The following LRRN1 variants were observed in gnomAD, a reference collection of about 807,000 sequenced individuals.
LRRN1 encodes leucine-rich repeat neuronal protein 1.
A neutral mutation model predicts 45.8 loss-of-function variants in LRRN1; 14 were observed. The ratio of observed to expected loss-of-function variants is 0.31; its 90% CI spans 0.20 to 0.48. The LOEUF (loss-of-function observed/expected upper bound fraction) is 0.48, where lower values mean the gene tolerates loss of function less well. Among genes scored for constraint, LRRN1 ranks in the 20% least tolerant of loss-of-function variants. The pLI is 0.99. For missense variants in LRRN1, 789 were observed against 874.2 expected (o/e 0.90, Z 1.23); for synonymous variants, 359 against 330.1 (o/e 1.09, Z -0.95).
In LRRN1 at chr3:3,844,924, T is replaced by C. The variant is rs138100289; in HGVS notation, c.283T>C (p.Phe95Leu). Residue 95 changes from phenylalanine (F) to leucine (L), a missense_variant, in exon 2 of 2, where the codon TTC becomes CTC. Coordinates refer to ENST00000319331, the MANE Select transcript of LRRN1 (RefSeq NM_020873.7). Reference sequence around the variant, plus strand: ...GACTGTGGATGAGCTGCAGCAGCTTTTCAACTTGACTGAACTAGATTTCTC... The same window carrying C: ...GACTGTGGATGAGCTGCAGCAGCTTCTCAACTTGACTGAACTAGATTTCTC... ...AKTVDELQQL[F>L]NLTELDFSQN... 4.3e-6 allele frequency: 7 copies of C among 1,614,024 alleles called. No homozygotes were observed. The highest frequency in any genetic ancestry group is 5.9e-6 in the Non-Finnish European group (7 of 1,180,020).
chr3:3,810,562 C>T (rs1692851414), intron 1 of LRRN1, among the ~76,000 whole-genome samples: 1 of 152,168 alleles, frequency 6.6e-6, no homozygotes, highest in Non-Finnish European at 1.5e-5. Flanking sequence ...ACCAGGTATG[C>T]TGGGCATGGT....
chr3:3,814,137 C>T (rs932610491), intron 1 of LRRN1, among the ~76,000 whole-genome samples: 5 of 149,724 alleles, frequency 3.3e-5, no homozygotes, highest in Non-Finnish European at 7.4e-5. Context: ...TAGCCCTCAT[C>T]GCCTCTCCTT....
At position 3,844,502 on chromosome 3, in the gene LRRN1, T is replaced by G. The variant is rs914305756; in HGVS notation, c.-140T>G. ...ACTCCTGAAAACCATCCCTTTGGACTCTGGAATTCTACACAGCTCAACCAA... is the reference window on the plus strand; with the variant it reads ...ACTCCTGAAAACCATCCCTTTGGACGCTGGAATTCTACACAGCTCAACCAA... On this transcript the variant is annotated 5_prime_UTR_variant, in exon 2 of 2. Transcript: ENST00000319331. 7 of 687,722 alleles carry G rather than the reference T, an allele frequency of 1.0e-5. No individual in the cohort carries two copies. In the Admixed American group the frequency reaches 2.1e-4, roughly 21 times the overall value. The allele number at this position is 687,722 out of a possible 1,614,324, so 42.6% of individuals were successfully genotyped here.
At chr3:3,821,508 A>T (rs1024776597) in intron 1 of LRRN1, among the ~76,000 whole-genome samples, 1 of 151,944 alleles carries the variant, frequency 6.6e-6, no homozygotes, top group Non-Finnish European at 1.5e-5. Flanking sequence ...TCCCCTTAAG[A>T]TTAGAAGCTG....
chr3:3,802,642 T>G (rs1005218557), intron 1 of LRRN1, among the ~76,000 whole-genome samples: 1 of 152,218 alleles, frequency 6.6e-6, no homozygotes, highest in Non-Finnish European at 1.5e-5. Context: ...TTGAATCAAA[T>G]TTAAGTAAGA....
intron 1 of LRRN1, among the ~76,000 whole-genome samples, chr3:3,825,846 T>C (rs985958932): frequency 4.6e-5 from 7 of 152,232 alleles, no homozygotes; most frequent in Admixed American, 4.6e-4. Context: ...TTATAGATTT[T>C]CACGTATGGA....
rs767803231 is a variant in LRRN1 at position 3,845,524 on chromosome 3, A to C, written c.883A>C (p.Asn295His). 9 of 1,614,138 alleles carry C rather than the reference A, an allele frequency of 5.6e-6. No homozygotes were observed. Among genetic ancestry groups the C allele is most frequent in the Non-Finnish European group, 7.6e-6 (9 of 1,180,028 alleles). The change falls in exon 2 of 2, where the codon AAC becomes CAC. Residue 295 changes from asparagine (N) to histidine (H), a missense_variant. Coordinates refer to ENST00000319331, the MANE Select transcript of LRRN1 (RefSeq NM_020873.7). The surrounding 1 kb of genome is among the most constrained non-coding windows in gnomAD (Gnocchi z 6.5). ...GCTTCGGTTAAAAGAACTGGGAATC[A>C]ACAATATGGGCGAGCTCGTTTCTGT... ...NMLRLKELGI[N>H]NMGELVSVDR...
At chr3:3,826,923 T>A (rs1417704189) in intron 1 of LRRN1, among the ~76,000 whole-genome samples, 1 of 152,152 alleles carries the variant, frequency 6.6e-6, no homozygotes, top group African/African-American at 2.4e-5. Context: ...GACCCCCCTG[T>A]ACTGGCTAGC....
chr3:3,838,002 T>G (rs1693562062), intron 1 of LRRN1, among the ~76,000 whole-genome samples: 1 of 152,176 alleles, frequency 6.6e-6, no homozygotes, highest in South Asian at 2.1e-4. Context: ...TTTCTGTTCC[T>G]GCGTTAGTTT....
chr3:3,800,538 CGG>C, intron 1 of LRRN1, among the ~76,000 whole-genome samples: 2 of 151,936 alleles, frequency 1.3e-5, no homozygotes, highest in African/African-American at 4.8e-5. Flanking sequence ...GCGGTCCACG[CGG>C]GGACAGACCT....
At chr3:3,802,373 G>A (rs1692672585) in intron 1 of LRRN1, among the ~76,000 whole-genome samples, 1 of 152,196 alleles carries the variant, frequency 6.6e-6, no homozygotes, top group Non-Finnish European at 1.5e-5. Flanking sequence ...AAACACTGTT[G>A]AAGGGAAAAA....
At chr3:3,836,024 G>A (rs1693503243) in intron 1 of LRRN1, among the ~76,000 whole-genome samples, 1 of 151,990 alleles carries the variant, frequency 6.6e-6, no homozygotes, top group South Asian at 2.1e-4. Flanking sequence ...CTGGTAATTA[G>A]CAGGACATTT....
chr3:3,828,993 T>TTC (rs1407561314), intron 1 of LRRN1, among the ~76,000 whole-genome samples: 5 of 147,570 alleles, frequency 3.4e-5, no homozygotes, highest in African/African-American at 9.8e-5. Flanking sequence ...TTTTCTTTCT[T>TTC]TTTTTTTTTT....
At chr3:3,800,880 A>C (rs1040060682) in intron 1 of LRRN1, 2 of 152,356 alleles carry the variant, frequency 1.3e-5, no homozygotes, top group Non-Finnish European at 2.9e-5. Flanking sequence ...AGAAGCGAGG[A>C]AAGTTTGCCG....
At chr3:3,820,316 A>G (rs1160633366) in intron 1 of LRRN1, among the ~76,000 whole-genome samples, 1 of 152,194 alleles carries the variant, frequency 6.6e-6, no homozygotes, top group Non-Finnish European at 1.5e-5. Flanking sequence ...TACCTGCTCT[A>G]GGGCTAGCAT....
At chr3:3,808,384 G>A (rs1263354911) in intron 1 of LRRN1, among the ~76,000 whole-genome samples, 1 of 152,136 alleles carries the variant, frequency 6.6e-6, no homozygotes, top group Non-Finnish European at 1.5e-5. Flanking sequence ...AGGAAACTAA[G>A]GCAGACCGCA....
intron 1 of LRRN1, among the ~76,000 whole-genome samples, chr3:3,837,095 T>A (rs1575298419): frequency 6.6e-6 from 1 of 152,164 alleles, no homozygotes; most frequent in Non-Finnish European, 1.5e-5. Context: ...TTCTCTGGAC[T>A]AAATTCCACT....
chr3:3,804,789 G>T (rs994320253), intron 1 of LRRN1, among the ~76,000 whole-genome samples: 34 of 33,880 alleles, frequency 1.0e-3, no homozygotes, highest in Non-Finnish European at 1.9e-3. Context: ...CATTAACAAT[G>T]TACATGTGAC....
intron 1 of LRRN1, among the ~76,000 whole-genome samples, chr3:3,818,841 G>C (rs998361625): frequency 2.6e-5 from 4 of 152,152 alleles, no homozygotes; most frequent in African/African-American, 9.7e-5. Flanking sequence ...GGCAACAGTA[G>C]AAAGCAAACT....
Sources: allele counts gnomAD v4.1 joint callset (sites outside exome capture counted in the v4.1 genomes callset), GRCh38; gene constraint gnomAD v4.1.1; non-coding constraint Gnocchi (gnomAD v3.1); transcripts MANE v1.5; gene names NCBI Gene and HGNC (gene_info 2026-07-23, HGNC 2026-07-21).